The following ADGRL3 variants were observed in gnomAD, a reference collection of about 807,000 sequenced individuals.
The protein encoded by ADGRL3 is calcium-independent alpha-latrotoxin receptor 3.
A neutral mutation model predicts 153.5 loss-of-function variants in ADGRL3; 62 were observed. The ratio of observed to expected loss-of-function variants is 0.40; its 90% CI spans 0.33 to 0.50. ADGRL3 has a LOEUF of 0.50. ADGRL3 is among the 20% of genes least tolerant of loss of function. The pLI is 0.47. For missense variants in ADGRL3, 1,641 were observed against 1,859.4 expected, an observed-to-expected ratio of 0.88 and a Z score of 2.16; for synonymous variants, 710 against 672.5, an observed-to-expected ratio of 1.06 and a Z score of -0.86.
intron 4 of ADGRL3, among the ~76,000 whole-genome samples, chr4:61,557,394 A>G (rs187632100): frequency 5.9e-5 from 9 of 152,288 alleles, no homozygotes; most frequent in Admixed American, 2.0e-4. Context: ...TTTATTACAA[A>G]TACATCATTG....
At chr4:61,437,919 A>G (rs931277230) in intron 2 of ADGRL3, among the ~76,000 whole-genome samples, 1 of 152,152 alleles carries the variant, frequency 6.6e-6, no homozygotes, top group Non-Finnish European at 1.5e-5. Context: ...CTGGACATTA[A>G]TGACACTTTT....
At chr4:61,271,415 G>T (rs1485518936) in intron 1 of ADGRL3, among the ~76,000 whole-genome samples, 1 of 151,848 alleles carries the variant, frequency 6.6e-6, no homozygotes, top group Non-Finnish European at 1.5e-5. Flanking sequence ...GACCTTAAAT[G>T]GAAAAAATTG....
At chr4:61,857,064 C>G (rs1417717813) in intron 9 of ADGRL3, among the ~76,000 whole-genome samples, 1 of 150,194 alleles carries the variant, frequency 6.7e-6, no homozygotes, top group African/African-American at 2.5e-5. Flanking sequence ...CTCCCTCTCT[C>G]TCTCTTTCTT....
intron 6 of ADGRL3, among the ~76,000 whole-genome samples, chr4:61,693,100 G>GT (rs1435866540): frequency 2.6e-5 from 4 of 151,904 alleles, no homozygotes; most frequent in Admixed American, 6.6e-5. Context: ...ATAAGAATAG[G>GT]TTTTTTTATT....
chr4:62,008,983 C>T (rs1277701894), intron 21 of ADGRL3, among the ~76,000 whole-genome samples: 1 of 152,078 alleles, frequency 6.6e-6, no homozygotes, highest in African/African-American at 2.4e-5. Context: ...ACATGCTATA[C>T]AAGTTTATAG....
intron 1 of ADGRL3, among the ~76,000 whole-genome samples, chr4:61,253,681 A>G (rs2149470973): frequency 8.0e-6 from 1 of 125,760 alleles, no homozygotes; most frequent in African/African-American, 3.0e-5. Flanking sequence ...CTTTGTTTGT[A>G]TGTTCAGTTC....
intron 1 of ADGRL3, among the ~76,000 whole-genome samples, chr4:61,222,651 C>T (rs752672644): frequency 2.0e-5 from 3 of 152,136 alleles, no homozygotes; most frequent in Non-Finnish European, 2.9e-5. Flanking sequence ...GGCAGGGACT[C>T]ATGTAAGTAC....
chr4:61,764,706 CCTT>C (rs1467115294), intron 8 of ADGRL3, among the ~76,000 whole-genome samples: 2 of 152,116 alleles, frequency 1.3e-5, no homozygotes, highest in East Asian at 3.9e-4. Context: ...GACATTCCTG[CCTT>C]CTTAATAAGA....
At chr4:61,935,074 G>C in intron 14 of ADGRL3, 51 bp downstream of exon 14, 4 of 1,510,570 alleles carry the variant, frequency 2.6e-6, no homozygotes, top group Non-Finnish European at 3.7e-6. Context: ...TATATCAGAA[G>C]AGGGAAAAGA....
At chr4:61,761,763 C>T (rs2096915574) in intron 8 of ADGRL3, among the ~76,000 whole-genome samples, 1 of 152,168 alleles carries the variant, frequency 6.6e-6, no homozygotes, top group Non-Finnish European at 1.5e-5. Context: ...GACCCCATCT[C>T]TACAAAAACA....
intron 5 of ADGRL3, among the ~76,000 whole-genome samples, chr4:61,600,947 A>G (rs1422242549): frequency 6.6e-6 from 1 of 152,180 alleles, no homozygotes. Flanking sequence ...AAATCCTTAC[A>G]ACATATGCAG....
At chr4:61,238,868 A>T (rs964974001) in intron 1 of ADGRL3, among the ~76,000 whole-genome samples, 2 of 151,952 alleles carry the variant, frequency 1.3e-5, no homozygotes, top group East Asian at 3.8e-4. Context: ...GGCCTACATT[A>T]AAAAAAACTT....
chr4:61,454,111 G>T (rs1158388393), intron 2 of ADGRL3, among the ~76,000 whole-genome samples: 1 of 151,886 alleles, frequency 6.6e-6, no homozygotes, highest in Non-Finnish European at 1.5e-5. Context: ...CATATAAAGG[G>T]CTCAGCACAG....
rs149076446 is a variant in ADGRL3, at chr4:62,063,218, G to A, written c.3815-4948G>A. On this transcript the variant is annotated intron_variant, in intron 25 of 26. Coordinates refer to ENST00000683033, the MANE Select transcript of ADGRL3 (RefSeq NM_001387552.1). ...TTTTTCACTTTAATTTTAATTTTTAGCAAGCATGGGAATATATTCTTGCAT... is the reference window on the plus strand; with the variant it reads ...TTTTTCACTTTAATTTTAATTTTTAACAAGCATGGGAATATATTCTTGCAT... 9.9e-3 allele frequency among the ~76,000 whole-genome samples: 1,506 copies of A among 151,804 alleles called. 12 individuals carry two copies. Among genetic ancestry groups the A allele is most frequent in the Middle Eastern group, 0.024 (7 of 294 alleles).
At chr4:62,011,935 AT>A (rs967049847) in intron 21 of ADGRL3, among the ~76,000 whole-genome samples, 3 of 151,250 alleles carry the variant, frequency 2.0e-5, no homozygotes, top group East Asian at 1.9e-4. Flanking sequence ...CTAGGAATAC[AT>A]TTTTTTTTCC....
At chr4:62,037,336 C>T (rs1725606770) in intron 23 of ADGRL3, among the ~76,000 whole-genome samples, 1 of 152,064 alleles carries the variant, frequency 6.6e-6, no homozygotes, top group South Asian at 2.1e-4. Context: ...CCTAAGTAGG[C>T]TTCTACCTAA....
At position 61,713,424 on chromosome 4, in the gene ADGRL3, C is replaced by T. The variant is rs574664232; in HGVS notation, c.584-17198C>T. ...CATACATTCTGTTGCCTTTAAATTGCGTATAAACATTTCAAGTTCCTTTCT... is the reference window on the plus strand; with the variant it reads ...CATACATTCTGTTGCCTTTAAATTGTGTATAAACATTTCAAGTTCCTTTCT... On this transcript the variant is annotated intron_variant, in intron 6 of 26. Coordinates refer to ENST00000683033, the MANE Select transcript of ADGRL3 (RefSeq NM_001387552.1). 2.7e-3 allele frequency among the ~76,000 whole-genome samples: 407 copies of T among 151,982 alleles called. 2 individuals carry two copies. The highest frequency in any genetic ancestry group is 4.2e-3 in the Non-Finnish European group (286 of 67,970).
intron 6 of ADGRL3, among the ~76,000 whole-genome samples, chr4:61,722,444 A>G (rs2096258581): frequency 6.6e-6 from 1 of 152,194 alleles, no homozygotes; most frequent in African/African-American, 2.4e-5. Context: ...TAGCCTAGGA[A>G]TGCTTAAGAA....
chr4:61,432,560 T>TTTTCTTTTCTTTCTTTC (rs2097367726), intron 2 of ADGRL3, among the ~76,000 whole-genome samples: 1 of 33,350 alleles, frequency 3.0e-5, no homozygotes, highest in Non-Finnish European at 3.7e-4. Context: ...TATAGATTTC[T>TTTTCTTTTCTTTCTTTC]TTTCTTTCTC....
Sources: allele counts gnomAD v4.1 joint callset (sites outside exome capture counted in the v4.1 genomes callset), GRCh38; gene constraint gnomAD v4.1.1; transcripts MANE v1.5; gene names NCBI Gene and HGNC (gene_info 2026-07-23, HGNC 2026-07-21).